DYNLT1: variants seen among roughly 807,000 people sequenced by gnomAD.
DYNLT1 encodes T-complex testis-specific protein 1 homolog.
DYNLT1 carries 18 observed loss-of-function variants against 19.6 expected under a neutral mutation model. The observed-to-expected ratio is 0.92, with a 90% CI of 0.64 to 1.36. The LOEUF is 1.36. DYNLT1 is among the 40% of genes most tolerant of loss of function. DYNLT1 has a pLI of 0.00. For missense variants in DYNLT1, 137 were observed against 139.3 expected (o/e 0.98, Z 0.08); for synonymous variants, 56 against 44.0 (o/e 1.27, Z -1.07).
chr6:158,640,973 G>A (rs1297425719), intron 2 of DYNLT1, among the ~76,000 whole-genome samples: 1 of 152,066 alleles, frequency 6.6e-6, no homozygotes. Flanking sequence ...CAGAATAACT[G>A]GAAATTGATT....
rs1787010599 is a variant in DYNLT1, at chr6:158,636,853, C to T, written c.316G>A (p.Val106Ile). Residue 106 changes from valine (V) to isoleucine (I), a missense_variant, in exon 5 of 5, where the codon GTC becomes ATC. By Grantham distance (29) the Val-to-Ile change is conservative. Coordinates refer to ENST00000367089, the MANE Select transcript of DYNLT1 (RefSeq NM_006519.4). ...RWENKTMYCI[V>I]SAFGLSI Reference sequence around the variant, plus strand: ...CAAATAGACAGTCCGAAGGCACTGACGATGCAGTACATGGTCTTATTCTCC... The same window carrying T: ...CAAATAGACAGTCCGAAGGCACTGATGATGCAGTACATGGTCTTATTCTCC... 4.3e-6 allele frequency: 7 copies of T among 1,612,746 alleles called. No individual in the cohort carries two copies. Among genetic ancestry groups the T allele is most frequent in the Middle Eastern group, 1.7e-4 (1 of 6,028 alleles).
In DYNLT1 at chr6:158,636,882, C is replaced by T. The variant is rs1220085717; in HGVS notation, c.287G>A (p.Arg96Gln). ...GCAGTACATGGTCTTATTCTCCCATCGCACAGTGCAGCTCCCTGCGGGAGG... is the reference window on the plus strand; with the variant it reads ...GCAGTACATGGTCTTATTCTCCCATTGCACAGTGCAGCTCCCTGCGGGAGG... ...DSSTDGSCTV[R>Q]WENKTMYCIV... Residue 96 changes from arginine (R) to glutamine (Q), a missense_variant, in exon 5 of 5, where the codon CGA becomes CAA. Physicochemically the swap from Arg to Gln is conservative, Grantham distance 43. Coordinates refer to ENST00000367089, the MANE Select transcript of DYNLT1 (RefSeq NM_006519.4). 4 of 1,613,484 alleles carry T rather than the reference C, an allele frequency of 2.5e-6. No homozygotes were observed. The highest frequency in any genetic ancestry group is 2.5e-6 in the Non-Finnish European group (3 of 1,179,768).
chr6:158,636,981 C>T, intron 4 of DYNLT1, 84 bp from the exon 5 acceptor site: 2 of 1,548,138 alleles, frequency 1.3e-6, no homozygotes, highest in African/African-American at 2.7e-5. Flanking sequence ...CATTCAAGTA[C>T]CCATCTCTAT....
intron 1 of DYNLT1, among the ~76,000 whole-genome samples, chr6:158,643,741 A>G (rs1179344741): frequency 1.3e-5 from 2 of 152,186 alleles, no homozygotes; most frequent in African/African-American, 2.4e-5. Context: ...TAGGCCTCCC[A>G]AAGTGCTGGG....
chr6:158,641,860 C>T (rs899919504), intron 1 of DYNLT1: 3 of 152,382 alleles, frequency 2.0e-5, no homozygotes, highest in African/African-American at 7.2e-5. Context: ...GCGTAAGCCA[C>T]CACACCTGGC....
At chr6:158,644,358 T>G (rs1236412376) in intron 1 of DYNLT1, among the ~76,000 whole-genome samples, 1 of 151,960 alleles carries the variant, frequency 6.6e-6, no homozygotes, top group African/African-American at 2.4e-5. Context: ...CTCGGCGAGC[T>G]TGGCTGCGGG....
rs1787005992 is a variant in DYNLT1, at chr6:158,636,732, CAAAGAG to C, written c.*89_*94del. 1 of 1,402,848 alleles carries C rather than the reference CAAAGAG, an allele frequency of 7.1e-7. No individual in the cohort carries two copies. Among genetic ancestry groups the C allele is most frequent in the Admixed American group, 2.2e-5 (1 of 45,756 alleles). The allele number at this position is 1,402,848 out of a possible 1,614,324, so 86.9% of individuals were successfully genotyped here. A position where few individuals can be genotyped will look rare whatever the true frequency, so the allele number is the denominator to read the frequency against. ...TCTACATTGTGAAAGTGCCACAAAA[CAAAGAG>C]AATGAGAAAAGAGTTCACTGAATTC... On this transcript the variant is annotated 3_prime_UTR_variant, in exon 5 of 5. Coordinates refer to ENST00000367089, the MANE Select transcript of DYNLT1 (RefSeq NM_006519.4).
intron 2 of DYNLT1, among the ~76,000 whole-genome samples, chr6:158,640,357 T>A (rs1024552444): frequency 6.6e-6 from 1 of 152,208 alleles, no homozygotes; most frequent in Non-Finnish European, 1.5e-5. Context: ...CCAAACAGTA[T>A]CATTAAATTC....
intron 2 of DYNLT1, among the ~76,000 whole-genome samples, chr6:158,639,909 G>C (rs1011318219): frequency 6.6e-6 from 1 of 152,170 alleles, no homozygotes. Flanking sequence ...TCGATCTCTT[G>C]ACCTCATGAT....
intron 1 of DYNLT1, among the ~76,000 whole-genome samples, chr6:158,644,182 C>G (rs1222386333): frequency 2.6e-5 from 4 of 151,992 alleles, no homozygotes; most frequent in Admixed American, 2.6e-4. Context: ...GCGGGATGGC[C>G]GGGACGCCAG....
chr6:158,636,502 AAG>A lies in DYNLT1; in HGVS notation c.*323_*324del, dbSNP rs1205797511. The A allele has an allele frequency of 1.8e-5, 5 of 281,870 alleles. No individual in the cohort carries two copies. The highest frequency in any genetic ancestry group is 3.5e-5 in the Non-Finnish European group (5 of 144,048). The allele number at this position is 281,870 out of a possible 1,614,324, so 17.5% of individuals were successfully genotyped here. On this transcript the variant is annotated 3_prime_UTR_variant, in exon 5 of 5. Coordinates refer to ENST00000367089, the MANE Select transcript of DYNLT1 (RefSeq NM_006519.4). ...AGATTTGAATAATTTATTCTAACAA[AAG>A]TATAAAGTATGGAAAATTAGTGTAT...
At chr6:158,637,975 A>G (rs929729531) in intron 2 of DYNLT1, 81 bp from the exon 3 acceptor site, 1 of 1,556,024 alleles carries the variant, frequency 6.4e-7, no homozygotes, top group Non-Finnish European at 8.6e-7. Context: ...ACGGCACCCC[A>G]AGAAGTGATT....
chr6:158,642,775 T>C (rs1368881596), intron 1 of DYNLT1: 1 of 152,072 alleles, frequency 6.6e-6, no homozygotes, highest in Non-Finnish European at 1.5e-5. Flanking sequence ...TCCCATATGG[T>C]TACAGTACGA....
chr6:158,644,255 CT>C (rs1787269270), intron 1 of DYNLT1, among the ~76,000 whole-genome samples: 1 of 151,932 alleles, frequency 6.6e-6, no homozygotes, highest in African/African-American at 2.4e-5. Flanking sequence ...ACGTCCAAGC[CT>C]CGGCGCTCCC....
In DYNLT1 at chr6:158,636,897, C is replaced by T; in HGVS notation, c.272G>A (p.Gly91Glu). 6.2e-7 allele frequency: 1 copy of T among 1,613,508 alleles called. No homozygotes were observed. The highest frequency in any genetic ancestry group is 1.1e-5 in the South Asian group (1 of 90,894). ...ATTCTCCCATCGCACAGTGCAGCTC[C>T]CTGCGGGAGGGAAGAGAGCAGCATT... ...SSCFWDSSTD[G>E]SCTVRWENKT... The change falls in exon 5 of 5, where the codon GGG becomes GAG. Residue 91 changes from glycine (G) to glutamate (E), a missense_variant and splice_region_variant. Transcript: ENST00000367089.
Position 158,636,667 on chromosome 6 carries a change from G to A in DYNLT1, c.*160C>T, listed in dbSNP as rs565369998. The A allele has an allele frequency of 2.6e-5, 19 of 717,766 alleles. No individual in the cohort carries two copies. Among genetic ancestry groups the A allele is most frequent in the Non-Finnish European group, 3.2e-5 (14 of 440,922 alleles). 44.5% of individuals were successfully genotyped at this position (717,766 alleles called of 1,614,324 possible). ...CCTACAGGGATACTCATCTGACTTC[G>A]GTGCCATTCACATCACAGTGCGGTC... On this transcript the variant is annotated 3_prime_UTR_variant, in exon 5 of 5. Coordinates refer to ENST00000367089, the MANE Select transcript of DYNLT1 (RefSeq NM_006519.4).
At chr6:158,637,320 A>AAAAATT in intron 3 of DYNLT1, 115 bp from the exon 4 acceptor site, 2 of 909,202 alleles carry the variant, frequency 2.2e-6, no homozygotes, top group Non-Finnish European at 3.4e-6. Flanking sequence ...TGTTCTCGAT[A>AAAAATT]AAAATTATAG....
intron 2 of DYNLT1, among the ~76,000 whole-genome samples, chr6:158,639,231 G>A (rs990065493): frequency 6.6e-6 from 1 of 152,076 alleles, no homozygotes; most frequent in Non-Finnish European, 1.5e-5. Flanking sequence ...TGAGACTCTT[G>A]AGTAGTCACG....
At position 158,641,195 on chromosome 6, in the gene DYNLT1, CTG is replaced by C; in HGVS notation, c.69+122_69+123del. On this transcript the variant is annotated intron_variant, in intron 2 of 4. Transcript: ENST00000367089. Reference sequence around the variant, plus strand: ...ATCTAGCTATTTACTGAAGTAAAAACTGTTATTTGAAACACCAAAACACACAG... The same window carrying C: ...ATCTAGCTATTTACTGAAGTAAAAACTTATTTGAAACACCAAAACACACAG... The C allele has an allele frequency of 8.8e-6, 7 of 798,332 alleles. No homozygotes were observed. In the South Asian group the frequency reaches 1.0e-4, roughly 12 times the overall value. 49.5% of individuals were successfully genotyped at this position (798,332 alleles called of 1,614,324 possible).
Sources: gnomAD v4.1 joint callset for allele counts (sites outside exome capture counted in the v4.1 genomes callset) on GRCh38, gnomAD v4.1.1 for gene constraint, MANE v1.5 for transcripts, NCBI Gene and HGNC (gene_info 2026-07-23, HGNC 2026-07-21) for gene names.